Variants in TARBP1 observed in about 807,000 individuals in gnomAD.
TARBP1 encodes tRNA (guanosine(18)-2'-O)-methyltransferase TARBP1.
Under a neutral mutation model 178.6 loss-of-function variants are expected in TARBP1, and 144 were observed. The observed-to-expected ratio is 0.81, with a 90% CI of 0.70 to 0.93. TARBP1 has a LOEUF of 0.93. TARBP1 is among the 40% of genes least tolerant of loss of function. The pLI, the probability that TARBP1 is intolerant of heterozygous loss-of-function variation, is 0.00. For missense variants in TARBP1, 2,067 were observed against 2,011.7 expected (o/e 1.03, Z -0.53); for synonymous variants, 787 against 781.0 (o/e 1.01, Z -0.13).
At chr1:234,428,126 T>G (rs1027292124) in intron 17 of TARBP1, among the ~76,000 whole-genome samples, 3 of 152,110 alleles carry the variant, frequency 2.0e-5, no homozygotes, top group African/African-American at 7.2e-5. Flanking sequence ...CCAGCGTCTC[T>G]AACTATGTAC....
At chr1:234,425,354 G>C (rs759621934) in intron 20 of TARBP1, among the ~76,000 whole-genome samples, 2 of 152,156 alleles carry the variant, frequency 1.3e-5, no homozygotes, top group Non-Finnish European at 2.9e-5. Context: ...AACCAAACTT[G>C]AGTTGGACAA....
intron 17 of TARBP1, 54 bp from the exon 18 acceptor site, chr1:234,427,820 G>A: frequency 7.7e-7 from 1 of 1,295,040 alleles, no homozygotes; most frequent in Non-Finnish European, 1.0e-6. Flanking sequence ...TAAAAAATCA[G>A]TGCTGCTAAA....
rs755996637 is a variant in TARBP1, at chr1:234,427,591, AAC to A, written c.3234_3235del (p.Phe1079Ter). 5.0e-6 allele frequency: 8 copies of A among 1,601,330 alleles called. No homozygotes were observed. Among genetic ancestry groups the A allele is most frequent in the Non-Finnish European group, 6.8e-6 (8 of 1,176,840 alleles). ...CATCTTTTACCTTTGATCACGCCTA[AAC>A]ACAGTTCCAAATATACAAGCCTCAA... is the stretch of plus-strand genomic sequence containing the variant. On this transcript the variant is annotated frameshift_variant, in exon 18 of 30. Transcript: ENST00000040877. LOFTEE classifies it high-confidence loss of function.
At chr1:234,412,323 G>C (rs1230794286) in intron 22 of TARBP1, among the ~76,000 whole-genome samples, 1 of 151,960 alleles carries the variant, frequency 6.6e-6, no homozygotes, top group Non-Finnish European at 1.5e-5. Flanking sequence ...CTGGGAGGCT[G>C]AGGCAGGAGA....
intron 6 of TARBP1, 59 bp downstream of exon 6, chr1:234,463,777 TA>T (rs952898603): frequency 0.016 from 13,276 of 828,126 alleles, no homozygotes; most frequent in South Asian, 0.024. Flanking sequence ...ACCAATTTGC[TA>T]AAAAAAAAAG....
intron 23 of TARBP1, chr1:234,406,331 G>A: frequency 1.9e-6 from 1 of 528,770 alleles, no homozygotes; most frequent in Non-Finnish European, 3.4e-6. Context: ...CATTAATGCT[G>A]CAGTACATTT....
intron 15 of TARBP1, 75 bp downstream of exon 15, chr1:234,430,012 A>T: frequency 2.9e-6 from 4 of 1,382,946 alleles, no homozygotes; most frequent in Non-Finnish European, 2.0e-6. Context: ...ATAACTTTAT[A>T]AGCAATGTTG....
intron 9 of TARBP1, among the ~76,000 whole-genome samples, chr1:234,453,281 G>A (rs1305510856): frequency 6.6e-6 from 1 of 150,946 alleles, no homozygotes; most frequent in Non-Finnish European, 1.5e-5. Context: ...GTAGGGACAG[G>A]AAGAGTGGTG....
chr1:234,437,443 A>T, intron 12 of TARBP1, 71 bp from the exon 13 acceptor site: 1 of 695,272 alleles, frequency 1.4e-6, no homozygotes, highest in Non-Finnish European at 2.4e-6. Context: ...CAGATATTCT[A>T]GTAAATGTAC....
intron 22 of TARBP1, among the ~76,000 whole-genome samples, chr1:234,414,570 A>C (rs1487675710): frequency 6.6e-6 from 1 of 152,172 alleles, no homozygotes; most frequent in Non-Finnish European, 1.5e-5. Flanking sequence ...TGACAGAAGA[A>C]GACAAAGGCT....
At chr1:234,407,341 C>CTTTTTTTTTTTTTTTTTTTTTT (rs543930869) in intron 23 of TARBP1, 5 of 137,054 alleles carry the variant, frequency 3.6e-5, no homozygotes, top group African/African-American at 1.4e-4. Flanking sequence ...CTTGTCCATC[C>CTTTTTTTTTTTTTTTTTTTTTT]TTTTTTTTTT....
intron 4 of TARBP1, among the ~76,000 whole-genome samples, chr1:234,466,773 G>A (rs1668481682): frequency 6.6e-6 from 1 of 151,992 alleles, no homozygotes; most frequent in Non-Finnish European, 1.5e-5. Context: ...TGAGGCAGGG[G>A]GATCACTTGA....
intron 4 of TARBP1, among the ~76,000 whole-genome samples, chr1:234,466,566 A>AG (rs1668461467): frequency 8.4e-6 from 1 of 119,642 alleles, no homozygotes; most frequent in Non-Finnish European, 1.7e-5. Flanking sequence ...ATTCTTTTAA[A>AG]AAAGAAGAAG....
chr1:234,400,288 T>C (rs927331098), intron 25 of TARBP1: 34 of 151,778 alleles, frequency 2.2e-4, no homozygotes, highest in African/African-American at 8.0e-4. Context: ...ACTAGAGGAG[T>C]CCTGCAGAAA....
Position 234,467,621 on chromosome 1 carries a change from T to C in TARBP1, c.1129A>G (p.Met377Val), listed in dbSNP as rs1456623544. The C allele has an allele frequency of 6.2e-7, 1 of 1,602,540 alleles. No individual in the cohort carries two copies. Among genetic ancestry groups the C allele is most frequent in the Admixed American group, 1.8e-5 (1 of 56,636 alleles). ...GCWLFHPSWH[M>V]CIYKRMFESE... ...TCAAACATTCTTTTATAAATACACA[T>C]ATGCCAGGATGGGTGAAAGAGCCAA... Residue 377 changes from methionine (M) to valine (V), a missense_variant, in exon 4 of 30, where the codon ATG becomes GTG. Transcript: ENST00000040877.
At position 234,451,507 on chromosome 1, in the gene TARBP1, G is replaced by T. The variant is rs1666752106; in HGVS notation, c.1723-941C>A. Among the ~76,000 whole-genome samples the T allele has an allele frequency of 3.0e-5, 3 of 100,098 alleles. 1 individual carries two copies. Among genetic ancestry groups the T allele is most frequent in the African/African-American group, 1.6e-4 (3 of 18,786 alleles). The allele number at this position is 100,098 out of a possible 152,430, so 65.7% of individuals were successfully genotyped here. A position where few individuals can be genotyped will look rare whatever the true frequency, so the allele number is the denominator to read the frequency against. On this transcript the variant is annotated intron_variant, in intron 9 of 29. Coordinates refer to ENST00000040877, the MANE Select transcript of TARBP1 (RefSeq NM_005646.4). ...TCACGCCTGTAATCCCAGCACTTTG[G>T]GAGGCCGAGGCGGGCGGATCACGAG...
Position 234,451,764 on chromosome 1 carries a change from A to AC in TARBP1, c.1723-1199_1723-1198insG, listed in dbSNP as rs1572360416. 4.2e-5 allele frequency among the ~76,000 whole-genome samples: 6 copies of AC among 142,442 alleles called. 3 individuals are homozygous for AC. The highest frequency in any genetic ancestry group is 4.6e-4 in the South Asian group (2 of 4,384). The allele number at this position is 142,442 out of a possible 152,430, so 93.4% of individuals were successfully genotyped here. On this transcript the variant is annotated intron_variant, in intron 9 of 29. Transcript: ENST00000040877. ...ACTCCGTCTCAAAAAAAAAAAAAAAAAATGATGAATGACTGGATCATCGAA... is the reference window on the plus strand; with the variant it reads ...ACTCCGTCTCAAAAAAAAAAAAAAAACAATGATGAATGACTGGATCATCGAA...
chr1:234,475,244 T>C (rs1669469138), intron 1 of TARBP1, among the ~76,000 whole-genome samples: 2 of 152,110 alleles, frequency 1.3e-5, no homozygotes, highest in Non-Finnish European at 2.9e-5. Context: ...AAGATGGTGA[T>C]CAACTGCCAA....
chr1:234,465,683 G>T lies in TARBP1; in HGVS notation c.1274C>A (p.Ala425Glu). 6.4e-7 allele frequency: 1 copy of T among 1,567,694 alleles called. No individual in the cohort carries two copies. Among genetic ancestry groups the T allele is most frequent in the Non-Finnish European group, 8.6e-7 (1 of 1,165,384 alleles). ...GCTATACAGAGAGCTCTCTGAAAGC[G>T]CATCCATTAATGGTCCAATAATAAA... is the stretch of plus-strand genomic sequence containing the variant. Reference protein sequence around the residue: ...SEFIIGPLMDALSESSLYSRS... With the variant: ...SEFIIGPLMDELSESSLYSRS... The change falls in exon 5 of 30, where the codon GCG becomes GAG. Residue 425 changes from alanine to glutamate, a missense_variant. Transcript: ENST00000040877.
Sources: allele counts gnomAD v4.1 joint callset (sites outside exome capture counted in the v4.1 genomes callset), GRCh38; gene constraint gnomAD v4.1.1; transcripts MANE v1.5; gene names NCBI Gene and HGNC (gene_info 2026-07-23, HGNC 2026-07-21).